PAPLN: variants seen among roughly 807,000 people sequenced by gnomAD.
PAPLN encodes papilin.
Under a neutral mutation model 159.0 loss-of-function variants are expected in PAPLN, and 146 were observed. The ratio of observed to expected loss-of-function variants is 0.92; its 90% confidence interval spans 0.80 to 1.05. The LOEUF is 1.05. PAPLN is among the 50% of genes least tolerant of loss of function. The pLI is 0.00. For missense variants in PAPLN, 1,720 were observed against 1,743.9 expected (o/e 0.99, Z 0.24); for synonymous variants, 734 against 702.9 (o/e 1.04, Z -0.70).
At chr14:73,268,105 T>A (rs1594834679) in intron 25 of PAPLN, among the ~76,000 whole-genome samples, 1 of 151,970 alleles carries the variant, frequency 6.6e-6, no homozygotes, top group Non-Finnish European at 1.5e-5. Flanking sequence ...CTTCTTGAAA[T>A]TCTCCCTTCC....
intron 12 of PAPLN, among the ~76,000 whole-genome samples, chr14:73,254,288 A>T (rs1044383726): frequency 1.3e-5 from 2 of 152,120 alleles, no homozygotes; most frequent in Non-Finnish European, 2.9e-5. Flanking sequence ...TCAAGTTGCA[A>T]ATGGATGGAA....
intron 14 of PAPLN, among the ~76,000 whole-genome samples, chr14:73,257,347 T>C (rs1886026149): frequency 6.6e-6 from 1 of 151,964 alleles, no homozygotes; most frequent in South Asian, 2.1e-4. Flanking sequence ...AGCACGCAAA[T>C]AGAAGGGAAG....
chr14:73,252,788 C>G lies in PAPLN; in HGVS notation c.1094+13C>G. The G allele has an allele frequency of 6.2e-7, 1 of 1,612,832 alleles. No homozygotes were observed. The highest frequency in any genetic ancestry group is 8.5e-7 in the Non-Finnish European group (1 of 1,179,874). ...CGGAGACCAAGCGGTGAGACCTTGCCAGCCCCTCTACCCATGATGAGGCCC... is the reference window on the plus strand; with the variant it reads ...CGGAGACCAAGCGGTGAGACCTTGCGAGCCCCTCTACCCATGATGAGGCCC... On this transcript the variant is annotated intron_variant, in intron 11 of 26. Transcript: ENST00000644200.
At chr14:73,253,671 G>T in intron 11 of PAPLN, 83 bp from the exon 12 acceptor site, 1 of 1,350,710 alleles carries the variant, frequency 7.4e-7, no homozygotes, top group Non-Finnish European at 1.0e-6. Flanking sequence ...CAGGCCACCT[G>T]TGTGAGTGAG....
At chr14:73,251,890 G>T in intron 9 of PAPLN, 54 bp downstream of exon 9, 1 of 1,551,572 alleles carries the variant, frequency 6.4e-7, no homozygotes, top group Non-Finnish European at 8.7e-7. Context: ...GTCCCCAAGA[G>T]GCTGCCAAGC....
At chr14:73,251,137 C>T in intron 7 of PAPLN, 107 bp downstream of exon 7, 1 of 1,494,002 alleles carries the variant, frequency 6.7e-7, no homozygotes, top group Non-Finnish European at 8.9e-7. Flanking sequence ...GCCCTCATGG[C>T]ACTGGAAGGC....
Position 73,263,736 on chromosome 14 carries a change from T to C in PAPLN, c.2815T>C (p.Ser939Pro). ...LSCSDDTAPE[S>P]QAAWQKDGQP... ...CTGCTCAGACGACACTGCCCCGGAA[T>C]CCCAGGCTGCCTGGCAGAAAGATGG... The change falls in exon 20 of 27, where the codon TCC becomes CCC. Residue 939 changes from serine (S) to proline (P), a missense_variant. Transcript: ENST00000644200. 6.2e-7 allele frequency: 1 copy of C among 1,609,514 alleles called. No individual in the cohort carries two copies. Among genetic ancestry groups the C allele is most frequent in the Non-Finnish European group, 8.5e-7 (1 of 1,179,934 alleles).
At chr14:73,239,698 GCCCA>G (rs1412464886) in intron 1 of PAPLN, 71 bp from the exon 2 acceptor site, 23 of 1,529,130 alleles carry the variant, frequency 1.5e-5, no homozygotes. Flanking sequence ...GGAGAGACGC[GCCCA>G]CACACTCTCG....
intron 2 of PAPLN, 55 bp downstream of exon 2, chr14:73,239,887 G>T: frequency 6.7e-7 from 1 of 1,499,490 alleles, no homozygotes; most frequent in East Asian, 2.5e-5. Flanking sequence ...GTCGGGGGCG[G>T]GGACGCGCGG....
At chr14:73,253,992 C>A (rs751007931) in intron 12 of PAPLN, 31 bp downstream of exon 12, 24 of 1,587,890 alleles carry the variant, frequency 1.5e-5, no homozygotes, top group African/African-American at 2.7e-5. Context: ...GGGGCTGGTG[C>A]TGGACCTGGG....
At position 73,254,629 on chromosome 14, in the gene PAPLN, G is replaced by C. The variant is rs367694778; in HGVS notation, c.1419G>C (p.Glu473Asp). Reference protein sequence around the residue: ...CSLEDRPPLTEPCVHEDCPLL... With the variant: ...CSLEDRPPLTDPCVHEDCPLL... ...TGGAAGACCGGCCACCTCTGACTGA[G>C]CCCTGTGTGCATGAGGACTGCCCCC... The change falls in exon 13 of 27, where the codon GAG (glutamate) becomes GAC (aspartate). Residue 473 changes from glutamate to aspartate, a missense_variant. Transcript: ENST00000644200. The C allele has an allele frequency of 2.5e-6, 4 of 1,613,948 alleles. No individual in the cohort carries two copies. Among genetic ancestry groups the C allele is most frequent in the Non-Finnish European group, 3.4e-6 (4 of 1,179,956 alleles).
chr14:73,252,905 G>A (rs1284251426), intron 11 of PAPLN, 130 bp downstream of exon 11: 10 of 1,449,408 alleles, frequency 6.9e-6, no homozygotes, highest in African/African-American at 1.4e-5. Context: ...GCTGTGGCTG[G>A]GGTGTGGGAG....
Position 73,265,967 on chromosome 14 carries a change from G to A in PAPLN, c.3263+460G>A, listed in dbSNP as rs1457495335. Among the ~76,000 whole-genome samples, 1 of 152,172 alleles carries A rather than the reference G, an allele frequency of 6.6e-6. No individual in the cohort carries two copies. Among genetic ancestry groups the A allele is most frequent in the Non-Finnish European group, 1.5e-5 (1 of 68,020 alleles). On this transcript the variant is annotated intron_variant, in intron 23 of 26. Coordinates refer to ENST00000644200, the MANE Select transcript of PAPLN (RefSeq NM_001365906.3). This position sits in a 1 kb window ranked among gnomAD's most constrained non-coding sequence, Gnocchi z 4.1. ...ACCAGTATTTGAGCCCATTAAATGA[G>A]TATAGCAAAAACTAGAAACCCAAAC...
intron 11 of PAPLN, chr14:73,253,344 C>A: frequency 1.1e-6 from 1 of 940,962 alleles, no homozygotes; most frequent in Non-Finnish European, 1.5e-6. Context: ...GGCCACAGGG[C>A]TGCTCTTTCC....
intron 17 of PAPLN, 136 bp downstream of exon 17, chr14:73,260,965 C>G: frequency 2.8e-6 from 4 of 1,409,922 alleles, no homozygotes; most frequent in Non-Finnish European, 3.8e-6. Flanking sequence ...GGGTCATCCT[C>G]TGGAGGGCAC....
rs771602307 is a variant in PAPLN at position 73,250,112 on chromosome 14, C to T, written c.463C>T (p.Arg155Trp). The T allele has an allele frequency of 6.2e-6, 10 of 1,605,624 alleles. No individual in the cohort carries two copies. Among genetic ancestry groups the T allele is most frequent in the East Asian group, 2.2e-5 (1 of 44,682 alleles). Residue 155 changes from arginine (R) to tryptophan (W), a missense_variant and splice_region_variant, in exon 6 of 27, where the codon CGG becomes TGG. Physicochemically the swap from Arg to Trp is moderately radical, Grantham distance 101 (BLOSUM62 -3). Coordinates refer to ENST00000644200, the MANE Select transcript of PAPLN (RefSeq NM_001365906.3). The stretch of plus-strand genomic sequence containing the variant: ...GGATGTCTGTGTGGATGGCAGCTGC[C>T]GGGTGAGTGGTGCCCCAGCCCCTCC... The part of the protein sequence containing the change: ...KRDVCVDGSC[R>W]VVGCDHELDS...
chr14:73,239,861 A>G, intron 2 of PAPLN, 29 bp downstream of exon 2: 1 of 1,557,244 alleles, frequency 6.4e-7, no homozygotes, highest in Non-Finnish European at 8.6e-7. Flanking sequence ...CGGCCCCCGG[A>G]GGAACCTGCA....
Position 73,251,698 on chromosome 14 carries a change from T to C in PAPLN, c.705T>C (p.Asn235=). The change falls in exon 9 of 27, where the codon AAT becomes AAC. Residue 235 remains asparagine, a synonymous_variant. Coordinates refer to ENST00000644200, the MANE Select transcript of PAPLN (RefSeq NM_001365906.3). The stretch of plus-strand genomic sequence containing the variant: ...ATGTTCGTGGGGAATACTACCTCAA[T>C]GGGCACTGGACCATCGAGGCGGCCC... ...VKNVRGEYYL[N]GHWTIEAARA... The C allele has an allele frequency of 6.2e-7, 1 of 1,612,896 alleles. No individual in the cohort carries two copies. Among genetic ancestry groups the C allele is most frequent in the Non-Finnish European group, 8.5e-7 (1 of 1,179,786 alleles).
rs541203809 is a variant in PAPLN, at chr14:73,250,140, G to T, written c.465+26G>T. On this transcript the variant is annotated intron_variant, in intron 6 of 26. Transcript: ENST00000644200. ...GTGAGTGGTGCCCCAGCCCCTCCCT[G>T]CCTCCGGGCTGCCTGGGGGCTCAGT... 6.9e-6 allele frequency: 11 copies of T among 1,585,124 alleles called. No homozygotes were observed. In the South Asian group the frequency reaches 7.0e-5, roughly 10 times the overall value.
Sources: gnomAD v4.1 joint callset for allele counts (sites outside exome capture counted in the v4.1 genomes callset) on GRCh38, gnomAD v4.1.1 for gene constraint, Gnocchi (gnomAD v3.1) non-coding constraint, MANE v1.5 for transcripts, NCBI Gene and HGNC (gene_info 2026-07-23, HGNC 2026-07-21) for gene names.